Variants in PABPC1L observed in about 807,000 individuals in gnomAD.
PABPC1L encodes polyadenylate-binding protein 1-like.
PABPC1L carries 31 observed loss-of-function variants against 66.6 expected under a neutral mutation model. That is an observed-to-expected ratio of 0.47 (90% CI 0.35 to 0.63). The LOEUF (loss-of-function observed/expected upper bound fraction) is 0.63. Ranked by LOEUF, PABPC1L falls within the 20% of genes least tolerant of loss-of-function variation. PABPC1L has a pLI of 0.00. For synonymous variants in PABPC1L, 348 were observed against 335.1 expected, an observed-to-expected ratio of 1.04 and a Z score of -0.42; for missense variants, 722 against 848.8, an observed-to-expected ratio of 0.85 and a Z score of 1.86.
chr20:44,917,361 A>ATTTT (rs11483820), intron 3 of PABPC1L, among the ~76,000 whole-genome samples: 3 of 130,616 alleles, frequency 2.3e-5, no homozygotes, highest in African/African-American at 5.8e-5. Context: ...TAATTTTTTG[A>ATTTT]TTTTTTTTTT....
At chr20:44,938,877 G>A (rs1024961328) in intron 14 of PABPC1L, 129 bp downstream of exon 14, 53 of 946,676 alleles carry the variant, frequency 5.6e-5, no homozygotes, top group Non-Finnish European at 8.0e-5. Flanking sequence ...AAAGAGTTTG[G>A]AGGAAGTTGT....
In PABPC1L at chr20:44,916,771, C is replaced by T; in HGVS notation, c.403C>T (p.His135Tyr). The T allele has an allele frequency of 1.2e-6, 2 of 1,614,218 alleles. No homozygotes were observed. Among genetic ancestry groups the T allele is most frequent in the Non-Finnish European group, 1.7e-6 (2 of 1,180,042 alleles). The change falls in exon 3 of 15, where the codon CAT becomes TAT. Residue 135 changes from histidine (H) to tyrosine (Y), a missense_variant. His to Tyr is a moderately conservative substitution (Grantham distance 83). Coordinates refer to ENST00000217073, the MANE Select transcript of PABPC1L (RefSeq NM_001372179.1). ...ILSCKVACDE[H>Y]GSRGFGFVHF... ...TGTGGCCCAGGTGGCGTGTGACGAG[C>T]ATGGCTCCCGGGGTTTCGGCTTTGT...
intron 1 of PABPC1L, 30 bp from the exon 2 acceptor site, chr20:44,912,630 G>A: frequency 3.8e-6 from 6 of 1,567,596 alleles, no homozygotes; most frequent in Non-Finnish European, 5.2e-6. Flanking sequence ...CCCTAAACTT[G>A]CTAATTTCTC....
intron 8 of PABPC1L, chr20:44,931,945 T>C (rs887331794): frequency 1.3e-5 from 2 of 156,864 alleles, no homozygotes; most frequent in African/African-American, 4.8e-5. Flanking sequence ...TGGATGTTAA[T>C]GTTCTGAGGA....
At chr20:44,915,714 G>T (rs1476616124) in intron 2 of PABPC1L, among the ~76,000 whole-genome samples, 1 of 151,254 alleles carries the variant, frequency 6.6e-6, no homozygotes, top group Non-Finnish European at 1.5e-5. Flanking sequence ...CAGGAGAATC[G>T]CTTGAACCTG....
intron 3 of PABPC1L, among the ~76,000 whole-genome samples, chr20:44,917,758 G>C (rs1215886929): frequency 1.3e-5 from 2 of 152,108 alleles, no homozygotes; most frequent in Non-Finnish European, 2.9e-5. Context: ...GGGATGCACT[G>C]AGAGTCATTT....
chr20:44,926,979 G>C (rs1321930222), intron 7 of PABPC1L, among the ~76,000 whole-genome samples: 3 of 151,902 alleles, frequency 2.0e-5, no homozygotes, highest in African/African-American at 7.3e-5. Context: ...GGGCTCAAGT[G>C]ATCCTCCCAC....
intron 5 of PABPC1L, among the ~76,000 whole-genome samples, chr20:44,921,271 C>T (rs113462193): frequency 6.6e-6 from 1 of 151,938 alleles, no homozygotes; most frequent in Non-Finnish European, 1.5e-5. Context: ...GCCTCAGCCT[C>T]CCGAGTAGCT....
At chr20:44,932,539 G>C (rs981151693) in intron 9 of PABPC1L, 107 bp downstream of exon 9, 6 of 957,338 alleles carry the variant, frequency 6.3e-6, no homozygotes, top group Non-Finnish European at 9.5e-6. Flanking sequence ...CCCAAGGTGG[G>C]TGACTTCACT....
intron 3 of PABPC1L, among the ~76,000 whole-genome samples, chr20:44,917,967 A>G (rs937070168): frequency 6.6e-6 from 1 of 152,150 alleles, no homozygotes; most frequent in Non-Finnish European, 1.5e-5. Context: ...AGAATTTATT[A>G]TTATTTTTTT....
chr20:44,935,791 AG>A (rs2066896895), intron 11 of PABPC1L, among the ~76,000 whole-genome samples: 1 of 152,214 alleles, frequency 6.6e-6, no homozygotes, highest in South Asian at 2.1e-4. Flanking sequence ...TGATTATTGA[AG>A]GGATGTACTT....
rs1219007814 is a variant in PABPC1L at position 44,935,467 on chromosome 20, A to G, written c.1536A>G (p.Lys512=). 15 of 1,614,070 alleles carry G rather than the reference A, an allele frequency of 9.3e-6. No homozygotes were observed. Among genetic ancestry groups the G allele is most frequent in the Non-Finnish European group, 1.3e-5 (15 of 1,180,042 alleles). Residue 512 remains lysine, a synonymous_variant, in exon 11 of 15, where the codon AAA becomes AAG. Transcript: ENST00000217073. The part of the protein sequence containing the change: ...CTPGRPLLPC[K]CSSAAHSTYR... ...CAGGCCGGCCGCTCCTGCCGTGCAA[A>G]TGTTCCTCAGCAGCACATAGCACCT...
rs1316936580 is a variant in PABPC1L, at chr20:44,936,679, A to T, written c.1609A>T (p.Thr537Ser). 2 of 1,608,082 alleles carry T rather than the reference A, an allele frequency of 1.2e-6. No individual in the cohort carries two copies. The highest frequency in any genetic ancestry group is 1.7e-6 in the Non-Finnish European group (2 of 1,178,070). Reference protein sequence around the residue: ...AVHIPGQEPLTASMLAAAPLH... With the variant: ...AVHIPGQEPLSASMLAAAPLH... ...GCACATCCCAGGACAGGAGCCCCTG[A>T]CCGCGTCCATGCTGGCTGCGGCGCC... The change falls in exon 12 of 15, where the codon ACC becomes TCC. Residue 537 changes from threonine to serine, a missense_variant. Thr to Ser is a moderately conservative substitution (Grantham distance 58, BLOSUM62 1). This residue lies in a region of PABPC1L where 301 missense variants were observed against 337.2 expected (regional missense o/e 0.89). Coordinates refer to ENST00000217073, the MANE Select transcript of PABPC1L (RefSeq NM_001372179.1).
intron 13 of PABPC1L, 128 bp from the exon 14 acceptor site, chr20:44,938,546 G>T: frequency 9.2e-7 from 1 of 1,088,502 alleles, no homozygotes; most frequent in Non-Finnish European, 1.3e-6. Context: ...GGATGGGAGG[G>T]TTCCACAGAA....
chr20:44,923,255 C>T lies in PABPC1L; in HGVS notation c.877-906C>T, dbSNP rs570189090. ...GTATGATCTGGGGCAACTTATTTAG[C>T]CTCTTTGTGTTTCAGTTTTGTCTGT... On this transcript the variant is annotated intron_variant, in intron 6 of 14. Transcript: ENST00000217073. Among the ~76,000 whole-genome samples the T allele has an allele frequency of 2.6e-4, 40 of 152,282 alleles. 1 individual carries two copies. Among genetic ancestry groups the T allele is most frequent in the African/African-American group, 9.6e-4 (40 of 41,566 alleles).
At position 44,912,531 on chromosome 20, in the gene PABPC1L, G is replaced by A. The variant is rs2066711945; in HGVS notation, c.194-129G>A. 15 of 766,278 alleles carry A rather than the reference G, an allele frequency of 2.0e-5. No individual in the cohort carries two copies. In the East Asian group the frequency reaches 4.1e-4, roughly 21 times the overall value. The allele number at this position is 766,278 out of a possible 1,614,324, so 47.5% of individuals were successfully genotyped here. A position where few individuals can be genotyped will look rare whatever the true frequency, so the allele number is the denominator to read the frequency against. On this transcript the variant is annotated intron_variant, in intron 1 of 14. Transcript: ENST00000217073. ...CTCAGTTATTTGGGCTCTTATCTTGGCTTATTGTCTGGGACCCAGACAATG... is the reference window on the plus strand; with the variant it reads ...CTCAGTTATTTGGGCTCTTATCTTGACTTATTGTCTGGGACCCAGACAATG...
intron 3 of PABPC1L, among the ~76,000 whole-genome samples, chr20:44,917,476 G>C (rs1249069343): frequency 6.6e-6 from 1 of 151,882 alleles, no homozygotes; most frequent in Non-Finnish European, 1.5e-5. Flanking sequence ...AAAATGCTGG[G>C]ATTACAGGCA....
chr20:44,910,386 C>T lies in PABPC1L; in HGVS notation c.193+50C>T, dbSNP rs971091170. The T allele has an allele frequency of 2.1e-6, 3 of 1,437,992 alleles. No homozygotes were observed. In the East Asian group the frequency reaches 8.2e-5, roughly 39 times the overall value. The allele number at this position is 1,437,992 out of a possible 1,614,324, so 89.1% of individuals were successfully genotyped here. ...GGGGAAGGACCGACGGACAAGCAGG[C>T]GGACAGACAGAAGCCGGAACTGGGC... On this transcript the variant is annotated intron_variant, in intron 1 of 14. Transcript: ENST00000217073.
chr20:44,939,038 G>A, intron 14 of PABPC1L, 88 bp from the exon 15 acceptor site: 1 of 712,556 alleles, frequency 1.4e-6, no homozygotes. Flanking sequence ...CTGCCTGAAG[G>A]CCTGGCCAGG....
Sources: gnomAD v4.1 joint callset for allele counts (sites outside exome capture counted in the v4.1 genomes callset) on GRCh38, gnomAD v4.1.1 for gene constraint, gnomAD v4.1.1 regional missense constraint, MANE v1.5 for transcripts, NCBI Gene and HGNC (gene_info 2026-07-23, HGNC 2026-07-21) for gene names.